The following PLXNC1 variants were observed in gnomAD, a reference collection of about 807,000 sequenced individuals.
PLXNC1 encodes plexin C1, also known as plexin-C1.
In PLXNC1, 75 loss-of-function variants were observed where a neutral mutation model predicts 178.2. The ratio of observed to expected loss-of-function variants is 0.42; its 90% confidence interval spans 0.35 to 0.51. PLXNC1 has a LOEUF of 0.51. Ranked by LOEUF, PLXNC1 falls within the 20% of genes least tolerant of loss-of-function variation. The pLI, the probability that PLXNC1 is intolerant of heterozygous loss-of-function variation, is 0.02. For missense variants in PLXNC1, 1,503 were observed against 1,984.4 expected, an observed-to-expected ratio of 0.76 and a Z score of 4.61; for synonymous variants, 790 against 779.9, an observed-to-expected ratio of 1.01 and a Z score of -0.22.
chr12:94,214,089 CTT>C (rs35305672), intron 5 of PLXNC1, among the ~76,000 whole-genome samples: 374 of 141,136 alleles, frequency 2.6e-3, no homozygotes, highest in Admixed American at 4.0e-3. Flanking sequence ...ACACTAGAAA[CTT>C]TTTTTTTTTT....
chr12:94,192,343 A>G (rs1425222657), intron 4 of PLXNC1, among the ~76,000 whole-genome samples: 2 of 152,024 alleles, frequency 1.3e-5, no homozygotes, highest in African/African-American at 4.8e-5. Flanking sequence ...ATATTTTTTA[A>G]GCACAACAAT....
At chr12:94,194,573 G>A (rs1162235272) in intron 4 of PLXNC1, among the ~76,000 whole-genome samples, 3 of 152,174 alleles carry the variant, frequency 2.0e-5, no homozygotes, top group Non-Finnish European at 4.4e-5. Context: ...GGGCAACATG[G>A]TGAAACCCTG....
At chr12:94,200,306 G>A (rs551938619) in intron 4 of PLXNC1, among the ~76,000 whole-genome samples, 15 of 152,246 alleles carry the variant, frequency 9.9e-5, no homozygotes, top group African/African-American at 3.6e-4. Context: ...TGTATTGATT[G>A]GCCTTTAAAT....
chr12:94,169,033 T>C (rs1311407631), intron 1 of PLXNC1, 120 bp from the exon 2 acceptor site: 4 of 865,568 alleles, frequency 4.6e-6, no homozygotes, highest in Middle Eastern at 2.8e-4. Flanking sequence ...AGAGAATATA[T>C]GTGGGGCCCA....
At chr12:94,167,933 A>G (rs528679696) in intron 1 of PLXNC1, 2 of 152,238 alleles carry the variant, frequency 1.3e-5, no homozygotes, top group Admixed American at 6.5e-5. Context: ...AGAAATATAG[A>G]TGGCACTTTA....
rs1178871844 is a variant in PLXNC1 at position 94,149,355 on chromosome 12, CT to C, written c.386del (p.Phe129SerfsTer14). The C allele has an allele frequency of 7.0e-7, 1 of 1,433,076 alleles. No individual in the cohort carries two copies. Among genetic ancestry groups the C allele is most frequent in the South Asian group, 1.5e-5 (1 of 68,194 alleles). The allele number at this position is 1,433,076 out of a possible 1,614,324, so 88.8% of individuals were successfully genotyped here. ...GGGGGCTGCTGCTCACCGGCTGGAC[CT>C]TCGACCGGGGCGCCTGCGAGGTGCG... ...LGGLLLTGWT[F>X]DRGACEVRPL... On this transcript the variant is annotated frameshift_variant, in exon 1 of 31. Transcript: ENST00000258526. LOFTEE classifies it high-confidence loss of function.
intron 1 of PLXNC1, among the ~76,000 whole-genome samples, chr12:94,155,035 CTGATG>C (rs1961112909): frequency 6.6e-6 from 1 of 152,192 alleles, no homozygotes; most frequent in South Asian, 2.1e-4. Flanking sequence ...TTCTTAATGC[CTGATG>C]TGTCAGGGCC....
chr12:94,187,174 A>AAGAGAGAGAGAG (rs755091519), intron 4 of PLXNC1, among the ~76,000 whole-genome samples: 2 of 105,802 alleles, frequency 1.9e-5, no homozygotes, highest in African/African-American at 5.9e-5. Flanking sequence ...TCAGGCAGGA[A>AAGAGAGAGAGAG]AGAGAGAGAG....
intron 1 of PLXNC1, among the ~76,000 whole-genome samples, chr12:94,155,401 C>G (rs1445433797): frequency 6.6e-6 from 1 of 152,184 alleles, no homozygotes; most frequent in African/African-American, 2.4e-5. Flanking sequence ...TGTATTTTAG[C>G]AAGCTCTCAA....
chr12:94,242,131 G>A (rs769133822), intron 11 of PLXNC1, among the ~76,000 whole-genome samples: 3 of 151,958 alleles, frequency 2.0e-5, no homozygotes, highest in Non-Finnish European at 2.9e-5. Context: ...GTGCCACAGC[G>A]TTTGTGGCTT....
chr12:94,206,338 G>A (rs1963298567), intron 4 of PLXNC1, among the ~76,000 whole-genome samples: 1 of 151,910 alleles, frequency 6.6e-6, no homozygotes, highest in Non-Finnish European at 1.5e-5. Flanking sequence ...TCAAACTCTA[G>A]TATTATCTCG....
intron 23 of PLXNC1, among the ~76,000 whole-genome samples, chr12:94,284,833 C>T (rs1966730080): frequency 6.6e-6 from 1 of 152,094 alleles, no homozygotes; most frequent in Non-Finnish European, 1.5e-5. Context: ...GAGTCTTATC[C>T]CAAGAACAGT....
chr12:94,237,803 T>G lies in PLXNC1; in HGVS notation c.2120T>G (p.Val707Gly). 6.2e-7 allele frequency: 1 copy of G among 1,613,072 alleles called. No individual in the cohort carries two copies. Residue 707 changes from valine (V) to glycine (G), a missense_variant and splice_region_variant, in exon 10 of 31, where the codon GTG (valine) becomes GGG (glycine). Physicochemically the swap from Val to Gly is moderately radical, Grantham distance 109 (BLOSUM62 -3). Coordinates refer to ENST00000258526, the MANE Select transcript of PLXNC1 (RefSeq NM_005761.3). ...LKGTSTCDKD[V>G]IQVSHVLNDT... The stretch of plus-strand genomic sequence containing the variant: ...GGAACCAGTACCTGTGATAAGGATG[T>G]GTGAGTCGAAATACTAATAATTTAT...
At chr12:94,305,059 T>C (rs919719466) in intron 30 of PLXNC1, 122 bp from the exon 31 acceptor site, 7 of 632,998 alleles carry the variant, frequency 1.1e-5, no homozygotes, top group East Asian at 2.8e-5. Context: ...ATGTAAATGA[T>C]GGAAGAAAAT....
rs746704315 is a variant in PLXNC1 at position 94,227,260 on chromosome 12, G to C, written c.1980+25G>C. The C allele has an allele frequency of 1.1e-5, 16 of 1,432,422 alleles. No homozygotes were observed. The South Asian group carries it at 1.8e-4, about 16-fold the overall frequency. 88.7% of individuals were successfully genotyped at this position (1,432,422 alleles called of 1,614,324 possible). On this transcript the variant is annotated intron_variant, in intron 9 of 30. Coordinates refer to ENST00000258526, the MANE Select transcript of PLXNC1 (RefSeq NM_005761.3). Reference sequence around the variant, plus strand: ...GGTCAGACCCTATTTTTGTGTGGTTGAGGGGAAAACCTGTCTTTGAATGAC... The same window carrying C: ...GGTCAGACCCTATTTTTGTGTGGTTCAGGGGAAAACCTGTCTTTGAATGAC...
intron 21 of PLXNC1, chr12:94,272,074 T>C (rs12578761): frequency 0.23 from 34,475 of 152,130 alleles, 4,039 homozygotes; most frequent in Admixed American, 0.28. Flanking sequence ...GGGCCAGGCC[T>C]TTCCAGCCTG....
chr12:94,280,708 G>A (rs1228130123), intron 22 of PLXNC1, among the ~76,000 whole-genome samples: 1 of 152,212 alleles, frequency 6.6e-6, no homozygotes, highest in Non-Finnish European at 1.5e-5. Flanking sequence ...CAGACCCCCA[G>A]CTTCCTTGCT....
intron 14 of PLXNC1, among the ~76,000 whole-genome samples, chr12:94,250,426 T>A (rs17241948): frequency 0.017 from 2,530 of 152,194 alleles, 27 homozygotes; most frequent in Middle Eastern, 0.027. Flanking sequence ...TAATTCAGGG[T>A]TCCATAGCTG....
rs577508408 is a variant in PLXNC1 at position 94,219,999 on chromosome 12, A to G, written c.1555-17A>G. The G allele has an allele frequency of 4.3e-6, 7 of 1,609,770 alleles. No individual in the cohort carries two copies. Among genetic ancestry groups the G allele is most frequent in the South Asian group, 1.1e-5 (1 of 90,812 alleles). ...AGGCAAAAATCATCATTTTTTCCCC[A>G]TATCTTCCCCGCACAGACTACAGTG... On this transcript the variant is annotated splice_polypyrimidine_tract_variant and intron_variant, in intron 5 of 30. Transcript: ENST00000258526.
Sources: gnomAD v4.1 joint callset for allele counts (sites outside exome capture counted in the v4.1 genomes callset) on GRCh38, gnomAD v4.1.1 for gene constraint, MANE v1.5 for transcripts, NCBI Gene and HGNC (gene_info 2026-07-23, HGNC 2026-07-21) for gene names.